R3HDM2: variants seen among roughly 807,000 people sequenced by gnomAD.
R3HDM2 encodes the protein R3H domain-containing protein 2.
In R3HDM2, 38 loss-of-function variants were observed where a neutral mutation model predicts 124.5. The observed-to-expected ratio is 0.31, with a 90% CI of 0.24 to 0.40. The LOEUF is 0.40. R3HDM2 is among the 10% of genes least tolerant of loss of function. The pLI is 1.00. For synonymous variants in R3HDM2, 391 were observed against 448.0 expected (o/e 0.87, Z 1.61); for missense variants, 869 against 1,236.9 (o/e 0.70, Z 4.46).
chr12:57,291,533 A>G (rs576969496), intron 11 of R3HDM2, among the ~76,000 whole-genome samples: 1 of 152,106 alleles, frequency 6.6e-6, no homozygotes, highest in South Asian at 2.1e-4. Flanking sequence ...GCGTGCCTGT[A>G]ATCCCAGCTA....
intron 2 of R3HDM2, among the ~76,000 whole-genome samples, chr12:57,324,563 A>G (rs2056992891): frequency 6.6e-6 from 1 of 152,208 alleles, no homozygotes; most frequent in African/African-American, 2.4e-5. Context: ...GAAAAAATGG[A>G]AATCTGTAAT....
At chr12:57,390,374 G>A (rs2138657961) in intron 2 of R3HDM2, among the ~76,000 whole-genome samples, 1 of 152,138 alleles carries the variant, frequency 6.6e-6, no homozygotes, top group South Asian at 2.1e-4. Context: ...GGGAACAAGG[G>A]CAGAGTCCAG....
At chr12:57,259,115 C>T in intron 19 of R3HDM2, 56 bp from the exon 20 acceptor site, 1 of 1,567,716 alleles carries the variant, frequency 6.4e-7, no homozygotes, top group Non-Finnish European at 8.7e-7. Context: ...TTTTGCCTTC[C>T]AACTAGCCCT....
At chr12:57,265,859 C>A (rs139416804) in intron 19 of R3HDM2, among the ~76,000 whole-genome samples, 1 of 148,222 alleles carries the variant, frequency 6.7e-6, no homozygotes. Context: ...TGCAGTGGCG[C>A]GATCTCGGCT....
intron 2 of R3HDM2, among the ~76,000 whole-genome samples, chr12:57,340,161 C>T (rs2059385318): frequency 6.6e-6 from 1 of 152,040 alleles, no homozygotes; most frequent in Admixed American, 6.6e-5. Flanking sequence ...TCTTATCTAC[C>T]CTCAAATGAA....
intron 19 of R3HDM2, among the ~76,000 whole-genome samples, chr12:57,263,639 T>G (rs989535382): frequency 2.0e-5 from 3 of 152,292 alleles, no homozygotes; most frequent in Middle Eastern, 3.4e-3. Context: ...CAGCTAATTT[T>G]TGTATTTTTA....
In R3HDM2 at chr12:57,368,344, TA is replaced by T. The variant is rs1336083496; in HGVS notation, c.-36+27404del. On this transcript the variant is annotated intron_variant, in intron 2 of 23. Coordinates refer to ENST00000402412, the MANE Select transcript of R3HDM2 (RefSeq NM_001394031.1). ...ACACTTCAACTAGCACGGTATGTAG[TA>T]AAGAATTTAACCTTGCCCAAAGAGA... Among the ~76,000 whole-genome samples, 7 of 152,224 alleles carry T rather than the reference TA, an allele frequency of 4.6e-5. No homozygotes were observed. The East Asian group carries it at 1.3e-3, about 29-fold the overall frequency.
chr12:57,368,847 A>G (rs2137857776), intron 2 of R3HDM2, among the ~76,000 whole-genome samples: 1 of 152,178 alleles, frequency 6.6e-6, no homozygotes, highest in East Asian at 1.9e-4. Context: ...ATTGAACCCG[A>G]GGGTGATCTT....
At chr12:57,413,935 T>C (rs1211442990) in intron 1 of R3HDM2, among the ~76,000 whole-genome samples, 4 of 135,834 alleles carry the variant, frequency 2.9e-5, no homozygotes, top group Admixed American at 2.3e-4. Context: ...AACCTCCGCC[T>C]CCCAAGTTCA....
At chr12:57,419,640 C>T (rs1266049095) in intron 1 of R3HDM2, among the ~76,000 whole-genome samples, 1 of 152,060 alleles carries the variant, frequency 6.6e-6, no homozygotes, top group Admixed American at 6.6e-5. Context: ...GGGTGTCTCA[C>T]AATGTTGCCC....
At chr12:57,278,268 A>G (rs1316382089) in intron 14 of R3HDM2, among the ~76,000 whole-genome samples, 1 of 152,152 alleles carries the variant, frequency 6.6e-6, no homozygotes, top group African/African-American at 2.4e-5. Flanking sequence ...GACCCTCACA[A>G]TCCAGTAGCA....
chr12:57,274,125 T>C (rs1398837184), intron 14 of R3HDM2, among the ~76,000 whole-genome samples: 3 of 152,104 alleles, frequency 2.0e-5, no homozygotes, highest in Non-Finnish European at 4.4e-5. Context: ...TCTTCATTCT[T>C]TTGGAGGAGA....
chr12:57,337,991 A>C (rs532595865), intron 2 of R3HDM2, among the ~76,000 whole-genome samples: 2 of 152,234 alleles, frequency 1.3e-5, no homozygotes, highest in Non-Finnish European at 2.9e-5. Context: ...AAAGTACTGC[A>C]GGTTTCTTTA....
At chr12:57,413,798 C>G (rs1049407892) in intron 1 of R3HDM2, among the ~76,000 whole-genome samples, 1 of 151,016 alleles carries the variant, frequency 6.6e-6, no homozygotes, top group Non-Finnish European at 1.5e-5. Context: ...CTTTATTGCT[C>G]AAGCACATCT....
At chr12:57,302,060 C>T (rs1268658029) in intron 4 of R3HDM2, among the ~76,000 whole-genome samples, 1 of 152,006 alleles carries the variant, frequency 6.6e-6, no homozygotes, top group Non-Finnish European at 1.5e-5. Flanking sequence ...ACAGGTGGAT[C>T]GCTTGAGCCC....
At position 57,297,403 on chromosome 12, in the gene R3HDM2, TAAAACAAAAC is replaced by T; in HGVS notation, c.501-26_501-17del. The stretch of plus-strand genomic sequence containing the variant: ...CATTCTGTCCCTGTTTAAAAAAGAT[TAAAACAAAAC>T]AAAACAAAACAAAAAGCAGCCCTCC... On this transcript the variant is annotated splice_polypyrimidine_tract_variant and intron_variant, in intron 7 of 23. Coordinates refer to ENST00000402412, the MANE Select transcript of R3HDM2 (RefSeq NM_001394031.1). The T allele has an allele frequency of 6.7e-7, 1 of 1,490,596 alleles. No individual in the cohort carries two copies. Among genetic ancestry groups the T allele is most frequent in the Non-Finnish European group, 9.1e-7 (1 of 1,098,578 alleles). The allele number at this position is 1,490,596 out of a possible 1,614,324, so 92.3% of individuals were successfully genotyped here.
intron 2 of R3HDM2, among the ~76,000 whole-genome samples, chr12:57,327,389 C>T (rs994084393): frequency 6.6e-6 from 1 of 151,752 alleles, no homozygotes; most frequent in African/African-American, 2.4e-5. Context: ...ATCACTTGAA[C>T]CCTGGAGGCG....
chr12:57,257,280 T>C (rs1425342996), intron 21 of R3HDM2, among the ~76,000 whole-genome samples: 1 of 152,168 alleles, frequency 6.6e-6, no homozygotes, highest in South Asian at 2.1e-4. Flanking sequence ...TGATCTAACG[T>C]TGGGTATTTT....
chr12:57,377,139 A>T (rs910682551), intron 2 of R3HDM2, among the ~76,000 whole-genome samples: 1 of 142,098 alleles, frequency 7.0e-6, no homozygotes, highest in African/African-American at 2.5e-5. Flanking sequence ...AAAAAAAATT[A>T]AAAATATGGA....
Sources: allele counts gnomAD v4.1 joint callset (sites outside exome capture counted in the v4.1 genomes callset), GRCh38; gene constraint gnomAD v4.1.1; transcripts MANE v1.5; gene names NCBI Gene and HGNC (gene_info 2026-07-23, HGNC 2026-07-21).